The following PTPRM variants were observed in gnomAD, a reference collection of about 807,000 sequenced individuals.
PTPRM encodes protein tyrosine phosphatase receptor type M.
In PTPRM, 47 loss-of-function variants were observed where a neutral mutation model predicts 186.7. The observed-to-expected ratio is 0.25, with a 90% CI of 0.20 to 0.32. The LOEUF (loss-of-function observed/expected upper bound fraction) is 0.32. Ranked by LOEUF, PTPRM falls within the 10% of genes least tolerant of loss-of-function variation. The pLI, the probability that PTPRM is intolerant of heterozygous loss-of-function variation, is 1.00. For missense variants in PTPRM, 1,494 were observed against 1,865.0 expected (o/e 0.80, Z 3.66); for synonymous variants, 668 against 674.9 (o/e 0.99, Z 0.16).
At chr18:8,334,795 A>T (rs910882303) in intron 22 of PTPRM, among the ~76,000 whole-genome samples, 1 of 152,188 alleles carries the variant, frequency 6.6e-6, no homozygotes, top group Admixed American at 6.5e-5. Flanking sequence ...GTCTGTCCAG[A>T]ACATGCAGGA....
chr18:7,918,940 C>A (rs925189773), intron 4 of PTPRM, among the ~76,000 whole-genome samples: 1 of 152,116 alleles, frequency 6.6e-6, no homozygotes, highest in Non-Finnish European at 1.5e-5. Flanking sequence ...AGATTTAAAT[C>A]TTTGGGTCTA....
chr18:8,084,903 A>G (rs559751256), intron 9 of PTPRM, among the ~76,000 whole-genome samples: 1 of 152,300 alleles, frequency 6.6e-6, no homozygotes, highest in South Asian at 2.1e-4. Flanking sequence ...CTCATCCAAC[A>G]TGCTTTGAAT....
rs753256313 is a variant in PTPRM at position 8,010,611 on chromosome 18, G to A, written c.1132+55197G>A. On this transcript the variant is annotated intron_variant, in intron 7 of 32. Coordinates refer to ENST00000580170, the MANE Select transcript of PTPRM (RefSeq NM_001105244.2). ...ACTGCCCAGGCTGGGTGGCAGCACAGGAATGGGGGCAGGTGGGTTAAGGAG... is the reference window on the plus strand; with the variant it reads ...ACTGCCCAGGCTGGGTGGCAGCACAAGAATGGGGGCAGGTGGGTTAAGGAG... Among the ~76,000 whole-genome samples the A allele has an allele frequency of 3.5e-4, 54 of 152,314 alleles. 1 individual carries two copies. The highest frequency in any genetic ancestry group is 6.2e-4 in the South Asian group (3 of 4,826).
chr18:7,835,846 TTTTG>T (rs1210390969), intron 2 of PTPRM, among the ~76,000 whole-genome samples: 1 of 138,550 alleles, frequency 7.2e-6, no homozygotes, highest in Non-Finnish European at 1.5e-5. Context: ...TTAAAGTTTT[TTTTG>T]TTTTGTTTTG....
chr18:8,354,875 A>G (rs2095555552), intron 23 of PTPRM, among the ~76,000 whole-genome samples: 1 of 152,212 alleles, frequency 6.6e-6, no homozygotes, highest in Non-Finnish European at 1.5e-5. Context: ...CACAGGAGAG[A>G]GATGAAGCAG....
intron 7 of PTPRM, among the ~76,000 whole-genome samples, chr18:8,052,824 C>G (rs146013913): frequency 7.9e-5 from 12 of 152,268 alleles, no homozygotes; most frequent in African/African-American, 2.9e-4. Context: ...TTGCATTGAT[C>G]TACATTCTGC....
At chr18:8,235,056 A>G (rs1218305465) in intron 14 of PTPRM, among the ~76,000 whole-genome samples, 2 of 152,106 alleles carry the variant, frequency 1.3e-5, no homozygotes, top group Non-Finnish European at 2.9e-5. Flanking sequence ...TGTTTCTGTA[A>G]TGTCTTCAGT....
intron 1 of PTPRM, among the ~76,000 whole-genome samples, chr18:7,672,847 G>A (rs2039249325): frequency 6.6e-6 from 1 of 152,202 alleles, no homozygotes; most frequent in Non-Finnish European, 1.5e-5. Context: ...GAACATAAAA[G>A]TCTAGTGAGT....
At chr18:8,262,974 T>C (rs531168703) in intron 19 of PTPRM, among the ~76,000 whole-genome samples, 1 of 152,164 alleles carries the variant, frequency 6.6e-6, no homozygotes, top group African/African-American at 2.4e-5. Context: ...TCGGGTGGGC[T>C]AGGGGTATCC....
chr18:7,572,201 A>G (rs1000202812), intron 1 of PTPRM, among the ~76,000 whole-genome samples: 2 of 152,094 alleles, frequency 1.3e-5, no homozygotes, highest in African/African-American at 4.8e-5. Context: ...TCAAAGGGTT[A>G]TTTTTACAGA....
At chr18:8,379,468 C>A (rs2095717690) in intron 28 of PTPRM, 128 bp downstream of exon 28, 1 of 1,001,622 alleles carries the variant, frequency 1.0e-6, no homozygotes, top group Non-Finnish European at 1.4e-6. Context: ...TTTTTTCCAA[C>A]AAAAAATAGA....
At chr18:8,216,184 TTCTC>T (rs1184285741) in intron 14 of PTPRM, among the ~76,000 whole-genome samples, 2 of 152,160 alleles carry the variant, frequency 1.3e-5, no homozygotes, top group South Asian at 2.1e-4. Flanking sequence ...CTAACCCCGG[TTCTC>T]TCTCTCTCTT....
chr18:8,100,771 G>A (rs184919593), intron 11 of PTPRM, among the ~76,000 whole-genome samples: 73 of 152,330 alleles, frequency 4.8e-4, no homozygotes, highest in Admixed American at 2.5e-3. Flanking sequence ...ATTGCTCAAA[G>A]AGAATAAAGC....
intron 22 of PTPRM, among the ~76,000 whole-genome samples, chr18:8,321,327 A>G (rs1472111917): frequency 6.6e-6 from 1 of 152,192 alleles, no homozygotes; most frequent in Non-Finnish European, 1.5e-5. Flanking sequence ...CTCTAGATTA[A>G]GGTGACTAAA....
intron 7 of PTPRM, among the ~76,000 whole-genome samples, chr18:7,992,575 A>G (rs2083319464): frequency 6.6e-6 from 1 of 152,118 alleles, no homozygotes; most frequent in South Asian, 2.1e-4. Context: ...GTTGTGCATG[A>G]ATTTGTAGTT....
intron 14 of PTPRM, among the ~76,000 whole-genome samples, chr18:8,169,055 C>A (rs1325680901): frequency 6.6e-6 from 1 of 152,106 alleles, no homozygotes. Flanking sequence ...CTATAAATAT[C>A]TTATCACGCT....
chr18:7,785,379 C>A (rs535324503), intron 2 of PTPRM, among the ~76,000 whole-genome samples: 38 of 152,120 alleles, frequency 2.5e-4, no homozygotes, highest in African/African-American at 8.9e-4. Context: ...GAGATTCATG[C>A]TGAAGTGTTA....
At chr18:8,294,624 C>T (rs1180851070) in intron 19 of PTPRM, among the ~76,000 whole-genome samples, 3 of 152,082 alleles carry the variant, frequency 2.0e-5, no homozygotes, top group South Asian at 2.1e-4. Context: ...CTTCAACTAG[C>T]GATGCATAGT....
chr18:8,170,422 T>G (rs554294883), intron 14 of PTPRM, among the ~76,000 whole-genome samples: 32 of 152,098 alleles, frequency 2.1e-4, no homozygotes, highest in Non-Finnish European at 4.4e-4. Context: ...AGCTGAGCGT[T>G]TGTTGTTATT....
Sources: allele counts gnomAD v4.1 joint callset (sites outside exome capture counted in the v4.1 genomes callset), GRCh38; gene constraint gnomAD v4.1.1; transcripts MANE v1.5; gene names NCBI Gene and HGNC (gene_info 2026-07-23, HGNC 2026-07-21).